PCDHA3: variants seen among roughly 807,000 people sequenced by gnomAD.
The protein encoded by PCDHA3 is protocadherin alpha 3.
PCDHA3 carries 41 observed loss-of-function variants against 62.2 expected under a neutral mutation model. That is an observed-to-expected ratio of 0.66 (90% CI 0.51 to 0.86). The LOEUF (loss-of-function observed/expected upper bound fraction) is 0.86. PCDHA3 is among the 40% of genes least tolerant of loss of function. The pLI, the probability that PCDHA3 is intolerant of heterozygous loss-of-function variation, is 0.00. For missense variants in PCDHA3, 1,304 were observed against 1,241.2 expected (o/e 1.05, Z -0.76); for synonymous variants, 640 against 555.4 (o/e 1.15, Z -2.14).
chr5:140,852,319 C>T (rs2150515438), intron 1 of PCDHA3: 6 of 325,372 alleles, frequency 1.8e-5, no homozygotes, highest in Non-Finnish European at 2.8e-5. Context: ...TTTCTGCCAC[C>T]CAGGCTGGAG....
intron 1 of PCDHA3, among the ~76,000 whole-genome samples, chr5:140,959,421 TTTG>T (rs1393541693): frequency 6.6e-6 from 1 of 152,102 alleles, no homozygotes; most frequent in East Asian, 1.9e-4. Flanking sequence ...GATCTGAGAA[TTTG>T]TGTATTTTTT....
At chr5:140,996,597 C>G (rs183031992) in intron 3 of PCDHA3, among the ~76,000 whole-genome samples, 47 of 152,304 alleles carry the variant, frequency 3.1e-4, no homozygotes, top group African/African-American at 1.1e-3. Context: ...CGCCTCCCCC[C>G]ATTTTCATTT....
intron 1 of PCDHA3, chr5:140,805,315 C>T: frequency 7.9e-7 from 1 of 1,272,834 alleles, no homozygotes; most frequent in Non-Finnish European, 9.9e-7. Context: ...CTCCTTTTTT[C>T]CAATGTGCTT....
intron 3 of PCDHA3, among the ~76,000 whole-genome samples, chr5:140,988,690 C>T (rs1286168942): frequency 2.6e-5 from 4 of 152,148 alleles, no homozygotes; most frequent in South Asian, 2.1e-4. Flanking sequence ...TTTCCCTAGA[C>T]GCTCTGTATT....
rs10076265 is a variant in PCDHA3 at position 140,884,506 on chromosome 5, G to A, written c.2394+80915G>A. 61 of 1,614,172 alleles carry A rather than the reference G, an allele frequency of 3.8e-5. No homozygotes were observed. In the South Asian group the frequency reaches 5.9e-4, roughly 16 times the overall value. ...CTCTAGTGTGCTCCAGCGCGGCAGG[G>A]AGTTGGTCGTACTCGCAGCAGAGGC... On this transcript the variant is annotated intron_variant, in intron 1 of 3. Transcript: ENST00000522353.
At chr5:140,873,414 G>T (rs184525297) in intron 1 of PCDHA3, among the ~76,000 whole-genome samples, 57 of 152,118 alleles carry the variant, frequency 3.7e-4, no homozygotes, top group African/African-American at 1.2e-3. Flanking sequence ...TTAAAATTTT[G>T]TAAATTATTA....
chr5:140,852,781 G>C lies in PCDHA3; in HGVS notation c.2394+49190G>C, dbSNP rs1213399832. 14 of 979,508 alleles carry C rather than the reference G, an allele frequency of 1.4e-5. 1 individual carries two copies. The highest frequency in any genetic ancestry group is 6.3e-5 in the Admixed American group (1 of 15,846). 60.7% of individuals were successfully genotyped at this position (979,508 alleles called of 1,614,324 possible). ...GGTATCTGATTATTTGATGTGAATA[G>C]AGGGATGCTACAGATGTCATTTGTC... On this transcript the variant is annotated intron_variant, in intron 1 of 3. Coordinates refer to ENST00000522353, the MANE Select transcript of PCDHA3 (RefSeq NM_018906.3).
intron 1 of PCDHA3, chr5:140,884,812 G>A: frequency 9.0e-7 from 1 of 1,117,104 alleles, no homozygotes; most frequent in Non-Finnish European, 1.2e-6. Flanking sequence ...ACTCTGCTGT[G>A]GACATTATGT....
chr5:140,843,221 A>C (rs2150355439), intron 1 of PCDHA3: 1 of 1,595,692 alleles, frequency 6.3e-7, no homozygotes, highest in Non-Finnish European at 8.6e-7. Flanking sequence ...GATCAGCACC[A>C]CTCGTGTCCT....
intron 1 of PCDHA3, among the ~76,000 whole-genome samples, chr5:140,961,085 T>C (rs1406733516): frequency 1.3e-5 from 2 of 152,230 alleles, no homozygotes; most frequent in East Asian, 3.8e-4. Flanking sequence ...CAAGTAATTG[T>C]TGACTTTTTG....
chr5:140,886,076 A>C (rs1554182342), intron 1 of PCDHA3, among the ~76,000 whole-genome samples: 3 of 152,198 alleles, frequency 2.0e-5, no homozygotes, highest in African/African-American at 7.2e-5. Flanking sequence ...GGGCCATACC[A>C]CAACCTGGAT....
intron 1 of PCDHA3, chr5:140,884,567 A>T (rs1562807924): frequency 6.2e-7 from 1 of 1,614,120 alleles, no homozygotes; most frequent in Non-Finnish European, 8.5e-7. Context: ...CCCGCATAAG[A>T]CGGACCTCAT....
intron 1 of PCDHA3, chr5:140,871,710 C>A: frequency 3.6e-6 from 3 of 826,484 alleles, no homozygotes; most frequent in South Asian, 4.5e-5. Flanking sequence ...AATAAATGTC[C>A]TATTTCTCTT....
intron 1 of PCDHA3, chr5:140,927,596 G>A (rs374002981): frequency 2.5e-6 from 4 of 1,614,044 alleles, no homozygotes; most frequent in African/African-American, 2.7e-5. Context: ...GTATTTGAGC[G>A]CTCCGTATAC....
chr5:140,828,113 A>G (rs1769535465), intron 1 of PCDHA3: 1 of 1,611,760 alleles, frequency 6.2e-7, no homozygotes, highest in Non-Finnish European at 8.5e-7. Flanking sequence ...CCCGGAGGAT[A>G]GATTGGGAAA....
chr5:140,834,758 C>T (rs2150225679), intron 1 of PCDHA3: 11 of 1,614,006 alleles, frequency 6.8e-6, no homozygotes, highest in Non-Finnish European at 8.5e-6. Flanking sequence ...AGGTGAAGGA[C>T]ATTAACGACA....
intron 1 of PCDHA3, chr5:140,853,041 C>G (rs1158374492): frequency 1.9e-5 from 5 of 267,262 alleles, no homozygotes; most frequent in Non-Finnish European, 3.0e-5. Context: ...ACCATGCCCG[C>G]CTAATTTTTT....
At chr5:140,981,584 A>G (rs556917015) in intron 2 of PCDHA3, among the ~76,000 whole-genome samples, 1 of 152,258 alleles carries the variant, frequency 6.6e-6, no homozygotes, top group Non-Finnish European at 1.5e-5. Context: ...AAAAATAAAT[A>G]AAATAAAACA....
intron 1 of PCDHA3, chr5:140,821,610 A>G (rs1049117332): frequency 1.3e-6 from 1 of 779,694 alleles, no homozygotes; most frequent in African/African-American, 1.7e-5. Context: ...GAATACAGTG[A>G]GTAGATTTTC....
Sources: gnomAD v4.1 joint callset for allele counts (sites outside exome capture counted in the v4.1 genomes callset) on GRCh38, gnomAD v4.1.1 for gene constraint, MANE v1.5 for transcripts, NCBI Gene and HGNC (gene_info 2026-07-23, HGNC 2026-07-21) for gene names.